Variants in HPSE2 observed in about 807,000 individuals in gnomAD.
The protein encoded by HPSE2 is inactive heparanase-2.
Under a neutral mutation model 60.5 loss-of-function variants are expected in HPSE2, and 38 were observed. The observed-to-expected ratio is 0.63, with a 90% confidence interval of 0.48 to 0.82. The LOEUF (loss-of-function observed/expected upper bound fraction) is 0.82, where lower values mean the gene tolerates loss of function less well. HPSE2 is among the 40% of genes least tolerant of loss of function. The pLI is 0.00. For synonymous variants in HPSE2, 295 were observed against 293.2 expected (o/e 1.01, Z -0.06); for missense variants, 713 against 740.4 (o/e 0.96, Z 0.43).
At chr10:98,875,127 C>G (rs1258596652) in intron 3 of HPSE2, among the ~76,000 whole-genome samples, 2 of 152,024 alleles carry the variant, frequency 1.3e-5, no homozygotes, top group East Asian at 3.9e-4. Context: ...GCTAGAGAAG[C>G]AAGAGCAAAG....
chr10:99,102,447 C>T (rs980923205), intron 3 of HPSE2, among the ~76,000 whole-genome samples: 36 of 152,214 alleles, frequency 2.4e-4, no homozygotes, highest in African/African-American at 8.7e-4. Flanking sequence ...AGTTGAATCC[C>T]TGAATAGACC....
At chr10:99,147,467 AC>A (rs1846098200) in intron 2 of HPSE2, among the ~76,000 whole-genome samples, 1 of 152,216 alleles carries the variant, frequency 6.6e-6, no homozygotes, top group African/African-American at 2.4e-5. Context: ...AGAGTAGAAC[AC>A]CAACTAAACT....
At chr10:98,869,066 CGT>C (rs1159715101) in intron 3 of HPSE2, among the ~76,000 whole-genome samples, 20 of 151,604 alleles carry the variant, frequency 1.3e-4, no homozygotes, top group African/African-American at 4.4e-4. Flanking sequence ...TGTGCGCACG[CGT>C]GTGTGTTTTC....
intron 7 of HPSE2, among the ~76,000 whole-genome samples, chr10:98,624,307 G>A (rs1322132764): frequency 6.6e-6 from 1 of 152,162 alleles, no homozygotes; most frequent in East Asian, 1.9e-4. Flanking sequence ...GGGGGCTCAT[G>A]TGGAAGGTGG....
intron 3 of HPSE2, among the ~76,000 whole-genome samples, chr10:99,080,412 G>T (rs1843095700): frequency 6.6e-6 from 1 of 152,002 alleles, no homozygotes; most frequent in Non-Finnish European, 1.5e-5. Context: ...CAAATACCAT[G>T]GTACATTTCC....
chr10:99,307,961 T>A, the HPSE2 span, among the ~76,000 whole-genome samples: 1 of 152,082 alleles, frequency 6.6e-6, no homozygotes, highest in Non-Finnish European at 1.5e-5. Context: ...TGGCAGTTCC[T>A]CAAAATGTTA....
At chr10:99,263,731 C>CA in the HPSE2 span, among the ~76,000 whole-genome samples, 638 of 144,688 alleles carry the variant, frequency 4.4e-3, 18 homozygotes, top group South Asian at 0.061. Flanking sequence ...GTTCTTAGAC[C>CA]AAAAAAAAAA....
intron 3 of HPSE2, among the ~76,000 whole-genome samples, chr10:99,009,255 A>C (rs1474281531): frequency 9.3e-5 from 14 of 151,106 alleles, no homozygotes; most frequent in African/African-American, 2.9e-4. Context: ...AAAAAAAAAA[A>C]AAAAAAAAAA....
intron 9 of HPSE2, among the ~76,000 whole-genome samples, chr10:98,612,761 G>A (rs1051047236): frequency 2.0e-5 from 3 of 152,206 alleles, no homozygotes; most frequent in Admixed American, 6.5e-5. Context: ...AACATTTAAT[G>A]CGTGAATTAT....
At chr10:99,307,847 C>CACACACACAT in the HPSE2 span, among the ~76,000 whole-genome samples, 2 of 151,778 alleles carry the variant, frequency 1.3e-5, no homozygotes, top group Non-Finnish European at 2.9e-5. Context: ...CACACACACA[C>CACACACACAT]ACACACACAC....
intron 3 of HPSE2, among the ~76,000 whole-genome samples, chr10:99,083,966 CTTTTTT>C (rs34799799): frequency 2.5e-5 from 2 of 79,764 alleles, no homozygotes; most frequent in Admixed American, 1.8e-4. Flanking sequence ...GTGTGAAAGC[CTTTTTT>C]TTTTTTTTTT....
At chr10:98,552,847 C>A (rs1647009727) in intron 9 of HPSE2, among the ~76,000 whole-genome samples, 1 of 152,008 alleles carries the variant, frequency 6.6e-6, no homozygotes, top group Admixed American at 6.6e-5. Flanking sequence ...CCATATCAGC[C>A]TCTTCTATAA....
chr10:98,899,428 T>G (rs1308288470), intron 3 of HPSE2, among the ~76,000 whole-genome samples: 1 of 152,130 alleles, frequency 6.6e-6, no homozygotes, highest in African/African-American at 2.4e-5. Flanking sequence ...ATAAAGGACT[T>G]GTATCCAGAT....
At chr10:98,896,202 T>C (rs1340709374) in intron 3 of HPSE2, among the ~76,000 whole-genome samples, 1 of 152,128 alleles carries the variant, frequency 6.6e-6, no homozygotes, top group Non-Finnish European at 1.5e-5. Context: ...TGCCTACAGT[T>C]GATCCTAGTA....
chr10:99,267,585 C>T, the HPSE2 span, among the ~76,000 whole-genome samples: 2 of 151,912 alleles, frequency 1.3e-5, no homozygotes. Context: ...AGTTCAAGAC[C>T]AGCCTGGCCA....
At chr10:98,746,156 GCAACAACAA>G (rs369291806) in intron 3 of HPSE2, among the ~76,000 whole-genome samples, 5 of 66,612 alleles carry the variant, frequency 7.5e-5, no homozygotes, top group African/African-American at 2.3e-4. Context: ...GAGTAATTGG[GCAACAACAA>G]CAACAACAAA....
chr10:98,797,736 C>T lies in HPSE2; in HGVS notation c.611-53680G>A, dbSNP rs113823842. Among the ~76,000 whole-genome samples the T allele has an allele frequency of 7.2e-5, 11 of 151,824 alleles. No individual in the cohort carries two copies. The South Asian group carries it at 8.4e-4, about 12-fold the overall frequency. ...GTGGGCGTCTGTAGTCCCAGCTACT[C>T]GGGAGGCTGAGGCAGAAGAATGGCA... On this transcript the variant is annotated intron_variant, in intron 3 of 11. Coordinates refer to ENST00000370552, the MANE Select transcript of HPSE2 (RefSeq NM_021828.5).
chr10:98,470,503 A>G (rs1303059693), intron 11 of HPSE2, among the ~76,000 whole-genome samples: 1 of 152,242 alleles, frequency 6.6e-6, no homozygotes, highest in Non-Finnish European at 1.5e-5. Flanking sequence ...AGAAACACCA[A>G]TTCAGGGCCC....
chr10:99,256,779 CT>C, the HPSE2 span, among the ~76,000 whole-genome samples: 1 of 152,052 alleles, frequency 6.6e-6, no homozygotes, highest in East Asian at 1.9e-4. Context: ...TATGGCTGGG[CT>C]TGGTGGCTCA....
Sources: gnomAD v4.1 joint callset for allele counts (sites outside exome capture counted in the v4.1 genomes callset) on GRCh38, gnomAD v4.1.1 for gene constraint, MANE v1.5 for transcripts, NCBI Gene and HGNC (gene_info 2026-07-23, HGNC 2026-07-21) for gene names.